Variants in LRMDA observed in about 807,000 individuals in gnomAD.
LRMDA encodes the protein leucine-rich melanocyte differentiation-associated protein.
A neutral mutation model predicts 29.8 loss-of-function variants in LRMDA; 18 were observed. The ratio of observed to expected loss-of-function variants is 0.60; its 90% confidence interval spans 0.42 to 0.90. The LOEUF (loss-of-function observed/expected upper bound fraction) is 0.90, where lower values mean the gene tolerates loss of function less well. Ranked by LOEUF, LRMDA falls within the 40% of genes least tolerant of loss-of-function variation. LRMDA has a pLI of 0.00. For missense variants in LRMDA, 273 were observed against 273.9 expected, an observed-to-expected ratio of 1.00 and a Z score of 0.02; for synonymous variants, 125 against 109.4, an observed-to-expected ratio of 1.14 and a Z score of -0.89.
Position 75,665,123 on chromosome 10 carries a change from G to C in LRMDA, c.131+226629G>C, listed in dbSNP as rs536202619. ...TTTTGCACTGGAGTTTGACAGAGGG[G>C]AGGAGCCTGCAGATTTTTATCTGGC... is the stretch of plus-strand genomic sequence containing the variant. On this transcript the variant is annotated intron_variant, in intron 2 of 6. Transcript: ENST00000611255. 2.0e-5 allele frequency among the ~76,000 whole-genome samples: 3 copies of C among 152,334 alleles called. No homozygotes were observed. In the South Asian group the frequency reaches 6.2e-4, roughly 32 times the overall value.
intron 5 of LRMDA, among the ~76,000 whole-genome samples, chr10:76,158,883 G>C (rs577839154): frequency 6.6e-6 from 1 of 152,226 alleles, no homozygotes; most frequent in East Asian, 1.9e-4. Flanking sequence ...GCATTGTTTT[G>C]TGATAATGAA....
At chr10:75,674,005 A>G (rs775553326) in intron 2 of LRMDA, among the ~76,000 whole-genome samples, 31 of 152,252 alleles carry the variant, frequency 2.0e-4, no homozygotes, top group Admixed American at 2.0e-4. Flanking sequence ...AAGTCTGGGG[A>G]TAAAGCAAAC....
At chr10:76,397,819 A>C (rs1408854897) in intron 6 of LRMDA, among the ~76,000 whole-genome samples, 1 of 145,686 alleles carries the variant, frequency 6.9e-6, no homozygotes, top group Non-Finnish European at 1.5e-5. Flanking sequence ...ATGCCTGAAG[A>C]CTCACAAAAA....
intron 5 of LRMDA, among the ~76,000 whole-genome samples, chr10:76,136,856 C>G (rs959535055): frequency 5.9e-5 from 9 of 152,118 alleles, no homozygotes; most frequent in African/African-American, 2.2e-4. Flanking sequence ...ATCAATACCC[C>G]AAGGAAGCAC....
chr10:76,270,900 C>T (rs1840060607), intron 5 of LRMDA: 2 of 152,220 alleles, frequency 1.3e-5, no homozygotes, highest in Non-Finnish European at 2.9e-5. Context: ...TGTGTGACTT[C>T]ACAGAAGCAA....
intron 2 of LRMDA, among the ~76,000 whole-genome samples, chr10:75,921,032 G>A (rs1246322855): frequency 1.3e-5 from 2 of 152,040 alleles, no homozygotes; most frequent in East Asian, 3.9e-4. Flanking sequence ...AATAATGTAG[G>A]GAGAAACAAA....
At chr10:76,341,247 C>T (rs529822929) in intron 6 of LRMDA, among the ~76,000 whole-genome samples, 95 of 152,068 alleles carry the variant, frequency 6.2e-4, no homozygotes, top group African/African-American at 2.2e-3. Flanking sequence ...ATAACTATTA[C>T]GAATAGCTAT....
chr10:75,458,967 A>G (rs1299927514), intron 2 of LRMDA, among the ~76,000 whole-genome samples: 1 of 151,148 alleles, frequency 6.6e-6, no homozygotes, highest in Admixed American at 6.6e-5. Context: ...CTTGAATTGA[A>G]TGGTTCAGTT....
intron 5 of LRMDA, among the ~76,000 whole-genome samples, chr10:76,153,266 GTTGTATTT>G (rs914849476): frequency 6.6e-6 from 1 of 152,016 alleles, no homozygotes; most frequent in African/African-American, 2.4e-5. Context: ...CATTCTATAG[GTTGTATTT>G]TTGGTTTCTT....
At chr10:75,449,491 A>G (rs1005062111) in intron 2 of LRMDA, among the ~76,000 whole-genome samples, 1 of 144,958 alleles carries the variant, frequency 6.9e-6, no homozygotes, top group African/African-American at 2.5e-5. Context: ...CCAAGCCTGT[A>G]TTTACTTTTG....
At chr10:75,760,540 T>C (rs942518687) in intron 2 of LRMDA, among the ~76,000 whole-genome samples, 1 of 152,072 alleles carries the variant, frequency 6.6e-6, no homozygotes, top group Non-Finnish European at 1.5e-5. Flanking sequence ...CTAAAAGAGG[T>C]ATTGATATTC....
intron 5 of LRMDA, among the ~76,000 whole-genome samples, chr10:76,160,583 T>C (rs1354803031): frequency 1.3e-5 from 2 of 152,134 alleles, no homozygotes; most frequent in Non-Finnish European, 2.9e-5. Context: ...GTGTGTTGAT[T>C]TATAGATACA....
At chr10:76,179,181 T>TA (rs1178838564) in intron 5 of LRMDA, among the ~76,000 whole-genome samples, 3 of 151,908 alleles carry the variant, frequency 2.0e-5, no homozygotes, top group African/African-American at 7.3e-5. Flanking sequence ...GATGACTGAT[T>TA]AAAAAAAAGT....
At chr10:76,203,664 A>G (rs1010012249) in intron 5 of LRMDA, among the ~76,000 whole-genome samples, 1 of 151,804 alleles carries the variant, frequency 6.6e-6, no homozygotes, top group Non-Finnish European at 1.5e-5. Flanking sequence ...GTGCCCGTCC[A>G]CCCATCTCTA....
At chr10:75,932,759 T>C (rs930581623) in intron 2 of LRMDA, among the ~76,000 whole-genome samples, 20 of 152,224 alleles carry the variant, frequency 1.3e-4, no homozygotes, top group Admixed American at 1.2e-3. Context: ...GGCTAGTAGT[T>C]ATCACTTTAT....
intron 2 of LRMDA, among the ~76,000 whole-genome samples, chr10:75,693,919 G>A (rs1001544537): frequency 2.6e-5 from 4 of 152,156 alleles, no homozygotes; most frequent in African/African-American, 9.7e-5. Context: ...GCTTTTTCTA[G>A]CTGGTTTTTC....
intron 5 of LRMDA, among the ~76,000 whole-genome samples, chr10:76,177,412 C>A (rs200300264): frequency 5.1e-4 from 77 of 150,344 alleles, no homozygotes; most frequent in African/African-American, 1.8e-3. Flanking sequence ...AAAAAAAAAA[C>A]AACAAAAAAA....
chr10:76,260,291 G>A (rs916084110), intron 5 of LRMDA, among the ~76,000 whole-genome samples: 2 of 151,918 alleles, frequency 1.3e-5, no homozygotes, highest in Admixed American at 1.3e-4. Flanking sequence ...GAGTTTTATA[G>A]CCATTTTTTG....
chr10:76,108,635 GT>G (rs1490814413), intron 5 of LRMDA, among the ~76,000 whole-genome samples: 2 of 152,086 alleles, frequency 1.3e-5, no homozygotes, highest in South Asian at 4.1e-4. Flanking sequence ...TGTGTTTTCT[GT>G]TTTTATTCAA....
Sources: gnomAD v4.1 joint callset for allele counts (sites outside exome capture counted in the v4.1 genomes callset) on GRCh38, gnomAD v4.1.1 for gene constraint, MANE v1.5 for transcripts, NCBI Gene and HGNC (gene_info 2026-07-23, HGNC 2026-07-21) for gene names.